The following TNS3 variants were observed in gnomAD, a reference collection of about 807,000 sequenced individuals.
The protein encoded by TNS3 is tensin-3.
A neutral mutation model predicts 140.9 loss-of-function variants in TNS3; 45 were observed. The ratio of observed to expected loss-of-function variants is 0.32; its 90% confidence interval spans 0.25 to 0.41. The LOEUF (loss-of-function observed/expected upper bound fraction) is 0.41, where lower values mean the gene tolerates loss of function less well. Among genes scored for constraint, TNS3 ranks in the 10% least tolerant of loss-of-function variants. The pLI is 1.00. For missense variants in TNS3, 1,716 were observed against 1,906.7 expected, an observed-to-expected ratio of 0.90 and a Z score of 1.86; for synonymous variants, 815 against 788.4, an observed-to-expected ratio of 1.03 and a Z score of -0.56.
chr7:47,467,524 G>A (rs996154556), intron 4 of TNS3, among the ~76,000 whole-genome samples: 2 of 152,270 alleles, frequency 1.3e-5, no homozygotes, highest in African/African-American at 4.8e-5. Flanking sequence ...CAGCAGCTAT[G>A]AGGACCAGGA....
intron 1 of TNS3, among the ~76,000 whole-genome samples, chr7:47,541,445 A>G (rs538140098): frequency 9.2e-5 from 14 of 152,316 alleles, no homozygotes; most frequent in Non-Finnish European, 1.6e-4. Context: ...TCACCCCCCA[A>G]TGAGCCTGAA....
At chr7:47,444,871 G>T (rs1277828140) in intron 4 of TNS3, among the ~76,000 whole-genome samples, 1 of 152,234 alleles carries the variant, frequency 6.6e-6, no homozygotes, top group Non-Finnish European at 1.5e-5. Context: ...TGTAATCTGT[G>T]CTATCACCAC....
chr7:47,450,955 G>A (rs1395489501), intron 4 of TNS3, among the ~76,000 whole-genome samples: 1 of 152,190 alleles, frequency 6.6e-6, no homozygotes, highest in Non-Finnish European at 1.5e-5. Flanking sequence ...CCAACGTGAT[G>A]AAACCCCGTC....
At chr7:47,322,547 C>T (rs905585338) in intron 20 of TNS3, among the ~76,000 whole-genome samples, 6 of 151,820 alleles carry the variant, frequency 4.0e-5, no homozygotes, top group Non-Finnish European at 7.4e-5. Context: ...CAAACACACA[C>T]ACACACACAA....
intron 20 of TNS3, among the ~76,000 whole-genome samples, chr7:47,340,945 T>A (rs562686307): frequency 6.6e-6 from 1 of 152,220 alleles, no homozygotes; most frequent in East Asian, 1.9e-4. Flanking sequence ...TTTTGAGTCA[T>A]GAATGATGTG....
intron 17 of TNS3, among the ~76,000 whole-genome samples, chr7:47,358,994 C>T (rs1257150750): frequency 6.6e-6 from 1 of 152,112 alleles, no homozygotes; most frequent in African/African-American, 2.4e-5. Context: ...GGGGAAGTTC[C>T]CCAGCAAGTT....
rs1784876933 is a variant in TNS3 at position 47,276,540 on chromosome 7, G to C, written c.*1536C>G. On this transcript the variant is annotated 3_prime_UTR_variant, in exon 31 of 31. Transcript: ENST00000311160. The stretch of plus-strand genomic sequence containing the variant: ...GGAATTTCGGGCTGGATCGCAATCA[G>C]GACAGTCAGCATGCCTGCAGAGCAC... 6.6e-6 allele frequency: 1 copy of C among 152,394 alleles called. No homozygotes were observed. Among genetic ancestry groups the C allele is most frequent in the Admixed American group, 6.5e-5 (1 of 15,292 alleles). The allele number at this position is 152,394 out of a possible 1,614,324, so 9.4% of individuals were successfully genotyped here.
chr7:47,419,530 AATG>A (rs1263634469), intron 10 of TNS3, among the ~76,000 whole-genome samples: 3 of 152,230 alleles, frequency 2.0e-5, no homozygotes, highest in Non-Finnish European at 2.9e-5. Flanking sequence ...TTATAGTTTA[AATG>A]ATAATAGCCC....
At chr7:47,544,409 G>A (rs944761910) in intron 1 of TNS3, among the ~76,000 whole-genome samples, 1 of 152,118 alleles carries the variant, frequency 6.6e-6, no homozygotes, top group Admixed American at 6.5e-5. Context: ...CCTCACCCAC[G>A]AGGTGACGAT....
At chr7:47,318,764 C>T (rs1584390304) in intron 20 of TNS3, among the ~76,000 whole-genome samples, 1 of 152,194 alleles carries the variant, frequency 6.6e-6, no homozygotes, top group Non-Finnish European at 1.5e-5. Context: ...ACCACGTCCA[C>T]ACAGGAGTGG....
At chr7:47,319,157 G>A (rs1044451408) in intron 20 of TNS3, among the ~76,000 whole-genome samples, 5 of 152,180 alleles carry the variant, frequency 3.3e-5, no homozygotes, top group Admixed American at 6.5e-5. Flanking sequence ...AGGAACAACC[G>A]AGGCTGGGCA....
chr7:47,431,987 G>A (rs1324448237), intron 8 of TNS3, among the ~76,000 whole-genome samples: 2 of 152,114 alleles, frequency 1.3e-5, no homozygotes, highest in East Asian at 1.9e-4. Context: ...CAGAAAATCC[G>A]AACAAAACAA....
chr7:47,527,431 G>A (rs541380094), intron 2 of TNS3, among the ~76,000 whole-genome samples: 4 of 152,238 alleles, frequency 2.6e-5, no homozygotes, highest in Admixed American at 2.6e-4. Flanking sequence ...GAGCAAGCTT[G>A]ATGGAGGACG....
chr7:47,406,218 G>A (rs886505331), intron 13 of TNS3, among the ~76,000 whole-genome samples: 2 of 152,174 alleles, frequency 1.3e-5, no homozygotes, highest in Admixed American at 6.5e-5. Context: ...GATGGGATGG[G>A]TCAGGTGTGC....
At chr7:47,292,219 TAG>T (rs370238874) in intron 26 of TNS3, among the ~76,000 whole-genome samples, 187 bp from the exon 27 acceptor site, 9 of 152,272 alleles carry the variant, frequency 5.9e-5, no homozygotes, top group African/African-American at 2.2e-4. Flanking sequence ...TGAATAAAAG[TAG>T]AGATGACAAG....
At chr7:47,355,116 G>GACAGATAAGGAA (rs1410995053) in intron 17 of TNS3, among the ~76,000 whole-genome samples, 1 of 152,232 alleles carries the variant, frequency 6.6e-6, no homozygotes, top group Non-Finnish European at 1.5e-5. Flanking sequence ...CGGCGTCAAG[G>GACAGATAAGGAA]ACAGATAAGG....
chr7:47,547,642 G>A (rs1799956483), intron 1 of TNS3, among the ~76,000 whole-genome samples: 6 of 152,106 alleles, frequency 3.9e-5, no homozygotes, highest in Admixed American at 3.9e-4. Flanking sequence ...CTGAGGGACA[G>A]CAAGCCAAGG....
chr7:47,444,721 A>G (rs1406741262), intron 4 of TNS3, among the ~76,000 whole-genome samples: 1 of 152,172 alleles, frequency 6.6e-6, no homozygotes, highest in Non-Finnish European at 1.5e-5. Context: ...CCAATTCAGC[A>G]TTATAGGCCT....
chr7:47,389,062 A>AGAG lies in TNS3; in HGVS notation c.1024+7737_1024+7738insCTC, dbSNP rs1280905366. Among the ~76,000 whole-genome samples, 8 of 55,392 alleles carry AGAG rather than the reference A, an allele frequency of 1.4e-4. 1 individual carries two copies. The highest frequency in any genetic ancestry group is 3.5e-4 in the African/African-American group (5 of 14,206). 36.3% of individuals were successfully genotyped at this position (55,392 alleles called of 152,430 possible). On this transcript the variant is annotated intron_variant, in intron 16 of 30. Transcript: ENST00000311160. ...AAGAAGAAGAAGAAGAAGAAGAAGA[A>AGAG]GAAGAAGAAGAAGAAGAAGAAGAGG...
Sources: gnomAD v4.1 joint callset for allele counts (sites outside exome capture counted in the v4.1 genomes callset) on GRCh38, gnomAD v4.1.1 for gene constraint, MANE v1.5 for transcripts, NCBI Gene and HGNC (gene_info 2026-07-23, HGNC 2026-07-21) for gene names.